The following LYPLA1 variants were observed in gnomAD, a reference collection of about 807,000 sequenced individuals.
LYPLA1 encodes lysophospholipase 1.
Under a neutral mutation model 34.0 loss-of-function variants are expected in LYPLA1, and 17 were observed. That is an observed-to-expected ratio of 0.50 (90% confidence interval 0.34 to 0.75). LYPLA1 has a LOEUF of 0.75. LYPLA1 is among the 30% of genes least tolerant of loss of function. The pLI is 0.01. For missense variants in LYPLA1, 203 were observed against 288.8 expected (o/e 0.70, Z 2.15); for synonymous variants, 98 against 100.8 (o/e 0.97, Z 0.17).
intron 5 of LYPLA1, among the ~76,000 whole-genome samples, chr8:54,059,148 C>T (rs1468227609): frequency 2.6e-5 from 4 of 152,188 alleles, no homozygotes; most frequent in Non-Finnish European, 4.4e-5. Context: ...TAGCATCTAA[C>T]ACTTACCCTC....
rs1463847403 is a variant in LYPLA1 at position 54,065,820 on chromosome 8, G to GA, written c.102-8dup. On this transcript the variant is annotated splice_region_variant and splice_polypyrimidine_tract_variant and intron_variant, in intron 2 of 8. Coordinates refer to ENST00000316963, the MANE Select transcript of LYPLA1 (RefSeq NM_006330.4). The stretch of plus-strand genomic sequence containing the variant: ...GGCTTCTGCCCATCCGTGCCTGGTG[G>GA]AAAAATCATTGAATAATGCTATTAG... 9.4e-6 allele frequency: 15 copies of GA among 1,601,774 alleles called. No individual in the cohort carries two copies. The highest frequency in any genetic ancestry group is 1.6e-4 in the Middle Eastern group (1 of 6,066).
At chr8:54,089,395 T>C (rs1281597203) in intron 2 of LYPLA1, among the ~76,000 whole-genome samples, 4 of 150,734 alleles carry the variant, frequency 2.7e-5, no homozygotes, top group Admixed American at 6.7e-5. Flanking sequence ...TTCACCTCTT[T>C]GCCTAATTTA....
intron 8 of LYPLA1, among the ~76,000 whole-genome samples, chr8:54,050,105 A>C (rs971938094): frequency 6.6e-6 from 1 of 152,216 alleles, no homozygotes; most frequent in Admixed American, 6.5e-5. Context: ...TTGATCAATT[A>C]TATTAGTAAT....
intron 2 of LYPLA1, among the ~76,000 whole-genome samples, chr8:54,095,363 C>T (rs919517077): frequency 6.6e-6 from 1 of 152,038 alleles, no homozygotes; most frequent in Non-Finnish European, 1.5e-5. Context: ...ATAAGATATT[C>T]GGCAACTACC....
chr8:54,098,798 C>T (rs7829394), intron 2 of LYPLA1, among the ~76,000 whole-genome samples: 8,497 of 152,218 alleles, frequency 0.056, 778 homozygotes, highest in African/African-American at 0.19. Flanking sequence ...TAACTGAAAC[C>T]ATGGGAAGCA....
At chr8:54,049,293 C>T (rs190028926) in intron 8 of LYPLA1, among the ~76,000 whole-genome samples, 1 of 152,364 alleles carries the variant, frequency 6.6e-6, no homozygotes. Context: ...CCTCCGGCCT[C>T]CTTCATTCTA....
chr8:54,076,605 T>C (rs1807923591), intron 2 of LYPLA1, among the ~76,000 whole-genome samples: 1 of 152,162 alleles, frequency 6.6e-6, no homozygotes, highest in Non-Finnish European at 1.5e-5. Flanking sequence ...AACATGTTCA[T>C]AATGGCCCTA....
At position 54,054,789 on chromosome 8, in the gene LYPLA1, G is replaced by A. The variant is rs115416306; in HGVS notation, c.360+271C>T. ...TATCAGTAGTCTCCTCCTATAGAGG[G>A]GACTCATGCCTGTGTTATCAGTTTT... On this transcript the variant is annotated intron_variant, in intron 6 of 8. Coordinates refer to ENST00000316963, the MANE Select transcript of LYPLA1 (RefSeq NM_006330.4). The A allele has an allele frequency of 2.0e-3, 639 of 312,566 alleles. 4 individuals carry two copies. Among genetic ancestry groups the A allele is most frequent in the African/African-American group, 0.011 (491 of 45,752 alleles). The allele number at this position is 312,566 out of a possible 1,614,324, so 19.4% of individuals were successfully genotyped here. A position where few individuals can be genotyped will look rare whatever the true frequency, so the allele number is the denominator to read the frequency against.
At chr8:54,094,669 C>T (rs1348824654) in intron 2 of LYPLA1, among the ~76,000 whole-genome samples, 3 of 152,278 alleles carry the variant, frequency 2.0e-5, no homozygotes, top group Admixed American at 2.0e-4. Flanking sequence ...ATCTCACTGT[C>T]TACTAAAAGG....
intron 5 of LYPLA1, among the ~76,000 whole-genome samples, chr8:54,056,962 C>T (rs1422818586): frequency 1.3e-5 from 2 of 151,924 alleles, no homozygotes; most frequent in Non-Finnish European, 2.9e-5. Flanking sequence ...TAGACATTTC[C>T]GAAAAGATGA....
At chr8:54,099,675 A>T (rs1809962205) in intron 2 of LYPLA1, among the ~76,000 whole-genome samples, 1 of 152,074 alleles carries the variant, frequency 6.6e-6, no homozygotes, top group Non-Finnish European at 1.5e-5. Context: ...CAAACAAACA[A>T]AAATCTAGCC....
chr8:54,060,578 G>GC (rs1806531301), intron 5 of LYPLA1, among the ~76,000 whole-genome samples: 1 of 152,134 alleles, frequency 6.6e-6, no homozygotes, highest in Non-Finnish European at 1.5e-5. Context: ...ATACTTCACA[G>GC]CGGTGTCAAA....
intron 2 of LYPLA1, among the ~76,000 whole-genome samples, chr8:54,080,966 C>A (rs1808272369): frequency 6.6e-6 from 1 of 152,222 alleles, no homozygotes; most frequent in Non-Finnish European, 1.5e-5. Context: ...TACCAAAGAA[C>A]TCTATACCAC....
In LYPLA1 at chr8:54,087,781, G is replaced by A. The variant is rs143899124; in HGVS notation, c.101+13127C>T. ...TTTGAAATGCTTGTTCTCCGGTGCCGTAAAGAAACAGCACTTGAACATAAA... is the reference window on the plus strand; with the variant it reads ...TTTGAAATGCTTGTTCTCCGGTGCCATAAAGAAACAGCACTTGAACATAAA... On this transcript the variant is annotated intron_variant, in intron 2 of 8. Transcript: ENST00000316963. 3.2e-4 allele frequency among the ~76,000 whole-genome samples: 48 copies of A among 152,262 alleles called. No individual in the cohort carries two copies. In the East Asian group the frequency reaches 6.6e-3, roughly 21 times the overall value.
intron 6 of LYPLA1, chr8:54,053,655 C>G (rs950198510): frequency 2.0e-5 from 9 of 456,172 alleles, no homozygotes; most frequent in African/African-American, 1.4e-4. Context: ...CAGTCACTCT[C>G]TGTGTGGCTA....
chr8:54,052,863 CT>C, intron 6 of LYPLA1, 107 bp from the exon 7 acceptor site: 5 of 689,562 alleles, frequency 7.3e-6, no homozygotes, highest in Non-Finnish European at 1.3e-5. Context: ...AACTTGGTGG[CT>C]GGTGTCAAAT....
intron 2 of LYPLA1, among the ~76,000 whole-genome samples, chr8:54,082,402 A>C (rs1808388785): frequency 1.3e-5 from 2 of 152,262 alleles, no homozygotes; most frequent in South Asian, 4.1e-4. Flanking sequence ...TCAAGAACTA[A>C]TCCTTTTTTT....
At chr8:54,095,431 T>C (rs936346731) in intron 2 of LYPLA1, among the ~76,000 whole-genome samples, 7 of 152,168 alleles carry the variant, frequency 4.6e-5, no homozygotes, top group African/African-American at 1.4e-4. Context: ...GGTGAACATA[T>C]GGTGGGGATC....
chr8:54,082,489 CT>C (rs1047358923), intron 2 of LYPLA1, among the ~76,000 whole-genome samples: 1 of 151,414 alleles, frequency 6.6e-6, no homozygotes, highest in Non-Finnish European at 1.5e-5. Flanking sequence ...TTAGAATGTA[CT>C]TTTTTTTTGG....
Sources: gnomAD v4.1 joint callset for allele counts (sites outside exome capture counted in the v4.1 genomes callset) on GRCh38, gnomAD v4.1.1 for gene constraint, MANE v1.5 for transcripts, NCBI Gene and HGNC (gene_info 2026-07-23, HGNC 2026-07-21) for gene names.